The following BLCAP variants were observed in gnomAD, a reference collection of about 807,000 sequenced individuals.
BLCAP encodes the protein apoptosis inducing factor BLCAP.
In BLCAP, 1 loss-of-function variant was observed where a neutral mutation model predicts 5.7. The observed-to-expected ratio is 0.18, with a 90% CI of 0.06 to 0.83. The LOEUF is 0.83. Among genes scored for constraint, BLCAP ranks in the 40% least tolerant of loss-of-function variants. The probability of loss-of-function intolerance (pLI) is 0.71; values close to 1 mark genes in which losing one functional copy is unlikely to be tolerated. For synonymous variants in BLCAP, 48 were observed against 49.4 expected (o/e 0.97, Z 0.11); for missense variants, 66 against 107.6 (o/e 0.61, Z 1.71).
At chr20:37,526,979 CG>C (rs2071733223) in intron 1 of BLCAP, 1 of 152,180 alleles carries the variant, frequency 6.6e-6, no homozygotes, top group Admixed American at 6.5e-5. Flanking sequence ...AAGGGATAGA[CG>C]ATCCAAACCT....
chr20:37,526,110 G>C (rs2071713483), intron 1 of BLCAP, among the ~76,000 whole-genome samples: 2 of 152,162 alleles, frequency 1.3e-5, no homozygotes, highest in Non-Finnish European at 2.9e-5. Context: ...GATGTCTGCT[G>C]TCAGGGAAGG....
chr20:37,520,312 C>A (rs1601087676), intron 1 of BLCAP: 1 of 152,246 alleles, frequency 6.6e-6, no homozygotes, highest in African/African-American at 2.4e-5. Context: ...TAAAAGGGAC[C>A]CGCCTCACTT....
intron 1 of BLCAP, among the ~76,000 whole-genome samples, chr20:37,526,008 G>A (rs530139568): frequency 9.9e-5 from 15 of 152,274 alleles, no homozygotes. Context: ...AAGTCCAGAG[G>A]TGTTTAGGTA....
intron 1 of BLCAP, among the ~76,000 whole-genome samples, chr20:37,520,772 C>T (rs6019065): frequency 0.99 from 150,940 of 152,316 alleles, 74,807 homozygotes; most frequent in East Asian, 1. Context: ...CATTCAGTAT[C>T]AGGAAAAGAG....
At position 37,521,224 on chromosome 20, in the gene BLCAP, TA is replaced by T; in HGVS notation, c.-176-1875del. On this transcript the variant is annotated intron_variant, in intron 1 of 1. Transcript: ENST00000373537. This position sits in a 1 kb window ranked among gnomAD's most constrained non-coding sequence, Gnocchi z 4.5. Reference sequence around the variant, plus strand: ...CGCACTTAGGTGGCGGGCGGGTACTTAAGGCGCGGCCACCGCGGCTGCGGCA... The same window carrying T: ...CGCACTTAGGTGGCGGGCGGGTACTTAGGCGCGGCCACCGCGGCTGCGGCA... 9 of 1,191,734 alleles carry T rather than the reference TA, an allele frequency of 7.6e-6. No individual in the cohort carries two copies. The highest frequency in any genetic ancestry group is 1.1e-5 in the Non-Finnish European group (9 of 804,538). The allele number at this position is 1,191,734 out of a possible 1,614,324, so 73.8% of individuals were successfully genotyped here.
chr20:37,522,359 T>C (rs772183101), intron 1 of BLCAP: 1 of 1,613,520 alleles, frequency 6.2e-7, no homozygotes, highest in South Asian at 1.1e-5. Flanking sequence ...TCCTTCAAGG[T>C]GTTCCTGGAA....
Position 37,521,261 on chromosome 20 carries a change from C to A in BLCAP, c.-176-1911G>T. 1 of 1,528,482 alleles carries A rather than the reference C, an allele frequency of 6.5e-7. No homozygotes were observed. The highest frequency in any genetic ancestry group is 9.1e-7 in the Non-Finnish European group (1 of 1,102,854). 94.7% of individuals were successfully genotyped at this position (1,528,482 alleles called of 1,614,324 possible). ...ACCGCGGCTGCGGCAGTGCGCCCAA[C>A]AGCGGACTCCGAGACCAGCGGATCT... is the stretch of plus-strand genomic sequence containing the variant. On this transcript the variant is annotated intron_variant, in intron 1 of 1. Coordinates refer to ENST00000373537, the MANE Select transcript of BLCAP (RefSeq NM_006698.4). This position sits in a 1 kb window ranked among gnomAD's most constrained non-coding sequence, Gnocchi z 4.5.
At chr20:37,522,936 C>T (rs1199174375) in intron 1 of BLCAP, 4 of 583,702 alleles carry the variant, frequency 6.9e-6, no homozygotes, top group African/African-American at 1.9e-5. Context: ...CCGACAATGA[C>T]GAAGATACCA....
rs2071750564 is a variant in BLCAP, at chr20:37,527,819, C to T, written c.-203G>A. ...TGCAAGCCCTGCCATGGCGCCGCCG[C>T]CACTGTCGCCGTCTGCCGCAGCCTG... is the stretch of plus-strand genomic sequence containing the variant. On this transcript the variant is annotated 5_prime_UTR_variant, in exon 1 of 2. Transcript: ENST00000373537. 1 of 152,512 alleles carries T rather than the reference C, an allele frequency of 6.6e-6. No individual in the cohort carries two copies. Among genetic ancestry groups the T allele is most frequent in the Admixed American group, 6.5e-5 (1 of 15,292 alleles). The allele number at this position is 152,512 out of a possible 1,614,324, so 9.4% of individuals were successfully genotyped here. A position where few individuals can be genotyped will look rare whatever the true frequency, so the allele number is the denominator to read the frequency against.
Position 37,521,537 on chromosome 20 carries a change from G to T in BLCAP, c.-176-2187C>A. 1.1e-6 allele frequency: 1 copy of T among 912,338 alleles called. No homozygotes were observed. The highest frequency in any genetic ancestry group is 1.7e-6 in the Non-Finnish European group (1 of 579,666). 56.5% of individuals were successfully genotyped at this position (912,338 alleles called of 1,614,324 possible). A position where few individuals can be genotyped will look rare whatever the true frequency, so the allele number is the denominator to read the frequency against. The stretch of plus-strand genomic sequence containing the variant: ...CGCGATCCTTGCCTGCCCAAGTGCC[G>T]CTGCCGGCACCGCGCGCCCCCTGCC... On this transcript the variant is annotated intron_variant, in intron 1 of 1. Coordinates refer to ENST00000373537, the MANE Select transcript of BLCAP (RefSeq NM_006698.4). This position sits in a 1 kb window ranked among gnomAD's most constrained non-coding sequence, Gnocchi z 4.5.
Position 37,518,966 on chromosome 20 carries a change from C to T in BLCAP, c.209G>A (p.Cys70Tyr). Reference protein sequence around the residue: ...SCWGNCFLYHCSDSPLPESAH... With the variant: ...SCWGNCFLYHYSDSPLPESAH... ...CGATTCTGGAAGCGGGGAATCGGAG[C>T]AGTGGTACAGGAAACAGTTTCCCCA... Residue 70 changes from cysteine (C) to tyrosine (Y), a missense_variant, in exon 2 of 2, where the codon TGC becomes TAC. Coordinates refer to ENST00000373537, the MANE Select transcript of BLCAP (RefSeq NM_006698.4). 1 of 1,614,204 alleles carries T rather than the reference C, an allele frequency of 6.2e-7. No individual in the cohort carries two copies. The highest frequency in any genetic ancestry group is 8.5e-7 in the Non-Finnish European group (1 of 1,180,040).
Position 37,518,750 on chromosome 20 carries a change from A to G in BLCAP, c.*161T>C. 2 of 1,001,576 alleles carry G rather than the reference A, an allele frequency of 2.0e-6. No individual in the cohort carries two copies. The highest frequency in any genetic ancestry group is 2.9e-6 in the Non-Finnish European group (2 of 687,884). 62.0% of individuals were successfully genotyped at this position (1,001,576 alleles called of 1,614,324 possible). ...TACAATAAAAGCACCGGTCAGTGCC[A>G]TTATTCACATTGTAAGGATAAAACA... On this transcript the variant is annotated 3_prime_UTR_variant, in exon 2 of 2. Coordinates refer to ENST00000373537, the MANE Select transcript of BLCAP (RefSeq NM_006698.4).
At position 37,521,575 on chromosome 20, in the gene BLCAP, C is replaced by G. The variant is rs1414434356; in HGVS notation, c.-176-2225G>C. 5 of 667,790 alleles carry G rather than the reference C, an allele frequency of 7.5e-6. No homozygotes were observed. The highest frequency in any genetic ancestry group is 2.6e-6 in the Non-Finnish European group (1 of 384,176). The allele number at this position is 667,790 out of a possible 1,614,324, so 41.4% of individuals were successfully genotyped here. On this transcript the variant is annotated intron_variant, in intron 1 of 1. Coordinates refer to ENST00000373537, the MANE Select transcript of BLCAP (RefSeq NM_006698.4). This position sits in a 1 kb window ranked among gnomAD's most constrained non-coding sequence, Gnocchi z 4.5. ...CGCGCCCCCTGCCCATTCCCTGCGC[C>G]GTCCTCCTCGCGCTGACCCTCCCTA... is the stretch of plus-strand genomic sequence containing the variant.
At chr20:37,524,775 A>C (rs1378494580) in intron 1 of BLCAP, among the ~76,000 whole-genome samples, 2 of 152,120 alleles carry the variant, frequency 1.3e-5, no homozygotes, top group Non-Finnish European at 2.9e-5. Flanking sequence ...AGGCATCTAA[A>C]ACTTCATTCG....
chr20:37,522,951 C>G (rs897113915), intron 1 of BLCAP: 1 of 570,272 alleles, frequency 1.8e-6, no homozygotes, highest in Non-Finnish European at 3.1e-6. Context: ...ATACCAGATC[C>G]CTTCCCAACC....
rs1278685297 is a variant in BLCAP at position 37,522,737 on chromosome 20, G to T, written c.-176-3387C>A. 6 of 1,607,756 alleles carry T rather than the reference G, an allele frequency of 3.7e-6. No individual in the cohort carries two copies. In the Admixed American group the frequency reaches 6.7e-5, roughly 18 times the overall value. The stretch of plus-strand genomic sequence containing the variant: ...ACCGGGCGGCAGGTGTTGGGGGAGC[G>T]CAGGCAGCGAGCCCCCAACTGAGGC... On this transcript the variant is annotated intron_variant, in intron 1 of 1. Coordinates refer to ENST00000373537, the MANE Select transcript of BLCAP (RefSeq NM_006698.4).
Position 37,521,874 on chromosome 20 carries a change from G to A in BLCAP, c.-176-2524C>T, listed in dbSNP as rs1399043674. Among the ~76,000 whole-genome samples the A allele has an allele frequency of 6.7e-6, 1 of 149,100 alleles. No homozygotes were observed. Among genetic ancestry groups the A allele is most frequent in the African/African-American group, 2.5e-5 (1 of 40,490 alleles). ...GGAACAAAAAATAAGTTAGAAAAAG[G>A]CACTTCTCAGAAAAAATAAAAATTA... On this transcript the variant is annotated intron_variant, in intron 1 of 1. Transcript: ENST00000373537. The surrounding 1 kb of genome is among the most constrained non-coding windows in gnomAD (Gnocchi z 4.5).
chr20:37,525,562 G>A (rs2071704161), intron 1 of BLCAP, among the ~76,000 whole-genome samples: 2 of 152,182 alleles, frequency 1.3e-5, no homozygotes, highest in South Asian at 4.1e-4. Flanking sequence ...GCTTCAATGT[G>A]CAATGTCCAC....
At chr20:37,523,604 GACC>G (rs1555807251) in intron 1 of BLCAP, 1 of 152,654 alleles carries the variant, frequency 6.6e-6, no homozygotes, top group Non-Finnish European at 1.5e-5. Context: ...GGAGGACAGG[GACC>G]ACCTCTACAA....
Sources: gnomAD v4.1 joint callset for allele counts (sites outside exome capture counted in the v4.1 genomes callset) on GRCh38, gnomAD v4.1.1 for gene constraint, Gnocchi (gnomAD v3.1) non-coding constraint, MANE v1.5 for transcripts, NCBI Gene and HGNC (gene_info 2026-07-23, HGNC 2026-07-21) for gene names.